Variants in GALNTL6 observed in about 807,000 individuals in gnomAD.
GALNTL6 encodes the protein polypeptide N-acetylgalactosaminyltransferase like 6.
GALNTL6 carries 46 observed loss-of-function variants against 73.7 expected under a neutral mutation model. That is an observed-to-expected ratio of 0.62 (90% CI 0.49 to 0.80). The LOEUF (loss-of-function observed/expected upper bound fraction) is 0.80. Ranked by LOEUF, GALNTL6 falls within the 30% of genes least tolerant of loss-of-function variation. The probability of loss-of-function intolerance (pLI) is 0.00; values close to 1 mark genes in which losing one functional copy is unlikely to be tolerated. For missense variants in GALNTL6, 604 were observed against 755.0 expected, an observed-to-expected ratio of 0.80 and a Z score of 2.34; for synonymous variants, 259 against 263.7, an observed-to-expected ratio of 0.98 and a Z score of 0.17.
At chr4:172,940,111 G>A (rs1748839244) in intron 9 of GALNTL6, among the ~76,000 whole-genome samples, 2 of 149,108 alleles carry the variant, frequency 1.3e-5, no homozygotes, top group Non-Finnish European at 1.5e-5. Context: ...CCATTTGCAA[G>A]TATCATGAAA....
intron 5 of GALNTL6, among the ~76,000 whole-genome samples, chr4:172,387,647 T>G (rs1315117380): frequency 6.6e-6 from 1 of 152,286 alleles, no homozygotes; most frequent in South Asian, 2.1e-4. Flanking sequence ...TATAATTCAC[T>G]GAGTTTCTTG....
At position 172,189,464 on chromosome 4, in the gene GALNTL6, A is replaced by G. The variant is rs146148885; in HGVS notation, c.139-40192A>G. On this transcript the variant is annotated intron_variant, in intron 2 of 12. Coordinates refer to ENST00000506823, the MANE Select transcript of GALNTL6 (RefSeq NM_001034845.3). ...GGTTTGTAGTTCTGTAACAAAATGA[A>G]GACTTTCAGTTTGGGGGAGTATTTC... Among the ~76,000 whole-genome samples the G allele has an allele frequency of 7.9e-4, 121 of 152,280 alleles. 1 individual carries two copies. Among genetic ancestry groups the G allele is most frequent in the African/African-American group, 2.8e-3 (118 of 41,580 alleles).
intron 2 of GALNTL6, among the ~76,000 whole-genome samples, chr4:171,887,532 AC>A (rs775452157): frequency 1.3e-5 from 2 of 152,212 alleles, no homozygotes; most frequent in Non-Finnish European, 2.9e-5. Flanking sequence ...CCTGTGGGAA[AC>A]TAGGGTAAAA....
At chr4:172,412,326 G>A (rs1183747200) in intron 5 of GALNTL6, among the ~76,000 whole-genome samples, 1 of 152,132 alleles carries the variant, frequency 6.6e-6, no homozygotes, top group Non-Finnish European at 1.5e-5. Flanking sequence ...ACAGGGGTGA[G>A]CCACCACGCT....
intron 5 of GALNTL6, among the ~76,000 whole-genome samples, chr4:172,628,478 TC>T (rs1739256709): frequency 6.6e-6 from 1 of 152,070 alleles, no homozygotes; most frequent in African/African-American, 2.4e-5. Flanking sequence ...ATGCCTATAA[TC>T]CCAGCACTTT....
intron 8 of GALNTL6, among the ~76,000 whole-genome samples, chr4:172,892,635 T>A (rs1311931025): frequency 6.6e-6 from 1 of 150,702 alleles, no homozygotes; most frequent in African/African-American, 2.5e-5. Flanking sequence ...CTGCTGCATA[T>A]GCCCTTACAC....
chr4:172,668,168 GC>G (rs1388660952), intron 5 of GALNTL6: 1 of 152,122 alleles, frequency 6.6e-6, no homozygotes, highest in African/African-American at 2.4e-5. Context: ...GAGTATTATT[GC>G]CATTGATGAG....
chr4:172,462,821 C>G (rs1314665885), intron 5 of GALNTL6, among the ~76,000 whole-genome samples: 1 of 152,170 alleles, frequency 6.6e-6, no homozygotes, highest in Non-Finnish European at 1.5e-5. Flanking sequence ...TTGCATACTT[C>G]CTTTCAGCCT....
chr4:171,814,766 A>G lies in GALNTL6; in HGVS notation c.138+48A>G. 3 of 1,597,864 alleles carry G rather than the reference A, an allele frequency of 1.9e-6. No homozygotes were observed. The African/African-American group carries it at 4.0e-5, about 21-fold the overall frequency. On this transcript the variant is annotated intron_variant, in intron 2 of 12. Transcript: ENST00000506823. ...TCACACAAGGATTGGTAAGGCAGTG[A>G]TCCTCGCGCGGGGACTCGAGAAAGC...
chr4:172,122,101 G>T (rs1296784306), intron 2 of GALNTL6, among the ~76,000 whole-genome samples: 2 of 150,860 alleles, frequency 1.3e-5, no homozygotes, highest in African/African-American at 4.9e-5. Flanking sequence ...ATTACATAGA[G>T]CAATTTTATC....
chr4:171,915,682 A>G (rs1342084969), intron 2 of GALNTL6, among the ~76,000 whole-genome samples: 1 of 152,218 alleles, frequency 6.6e-6, no homozygotes, highest in African/African-American at 2.4e-5. Context: ...GTTAAAACAA[A>G]AAAGCATTTA....
chr4:172,291,125 T>C (rs1739458166), intron 3 of GALNTL6, among the ~76,000 whole-genome samples: 1 of 152,110 alleles, frequency 6.6e-6, no homozygotes, highest in African/African-American at 2.4e-5. Context: ...GTGAAAACCA[T>C]TCCAGGATTT....
intron 2 of GALNTL6, among the ~76,000 whole-genome samples, chr4:171,883,168 T>C (rs536063112): frequency 1.6e-3 from 238 of 152,056 alleles, no homozygotes; most frequent in African/African-American, 5.3e-3. Context: ...CTGACAAACA[T>C]GGTGAAACCT....
At chr4:172,690,675 A>G (rs1733225824) in intron 5 of GALNTL6, among the ~76,000 whole-genome samples, 1 of 152,228 alleles carries the variant, frequency 6.6e-6, no homozygotes, top group African/African-American at 2.4e-5. Flanking sequence ...TTAGACGGAA[A>G]AGTGACCAAA....
intron 5 of GALNTL6, among the ~76,000 whole-genome samples, chr4:172,761,215 T>C (rs1166877523): frequency 6.6e-6 from 1 of 152,180 alleles, no homozygotes; most frequent in Non-Finnish European, 1.5e-5. Context: ...TAGACCTCTT[T>C]TAAATCTGAG....
chr4:172,578,825 T>A (rs777801249), intron 5 of GALNTL6, among the ~76,000 whole-genome samples: 1 of 152,208 alleles, frequency 6.6e-6, no homozygotes. Flanking sequence ...GGTTATTAGA[T>A]TAGTGACAAA....
At chr4:172,721,053 G>A (rs533853857) in intron 5 of GALNTL6, among the ~76,000 whole-genome samples, 18 of 152,204 alleles carry the variant, frequency 1.2e-4, no homozygotes, top group Non-Finnish European at 2.5e-4. Context: ...CTCTATGTTC[G>A]GGAACTATAA....
At chr4:172,962,235 G>A (rs968948694) in intron 10 of GALNTL6, among the ~76,000 whole-genome samples, 13 of 152,322 alleles carry the variant, frequency 8.5e-5, no homozygotes, top group African/African-American at 2.9e-4. Flanking sequence ...ATCAGTTAAG[G>A]CAGGAACTGG....
intron 7 of GALNTL6, among the ~76,000 whole-genome samples, chr4:172,828,963 G>A (rs913670549): frequency 6.6e-6 from 1 of 152,224 alleles, no homozygotes; most frequent in African/African-American, 2.4e-5. Flanking sequence ...TGTCGGCGGA[G>A]CTATGCATGC....
Sources: gnomAD v4.1 joint callset for allele counts (sites outside exome capture counted in the v4.1 genomes callset) on GRCh38, gnomAD v4.1.1 for gene constraint, MANE v1.5 for transcripts, NCBI Gene and HGNC (gene_info 2026-07-23, HGNC 2026-07-21) for gene names.